Variants in ATP2C2 observed in about 807,000 individuals in gnomAD.
ATP2C2 encodes calcium-transporting ATPase type 2C member 2.
Under a neutral mutation model 110.8 loss-of-function variants are expected in ATP2C2, and 171 were observed. The ratio of observed to expected loss-of-function variants is 1.54; its 90% CI spans 1.36 to 1.75. ATP2C2 has a LOEUF of 1.75. Among genes scored for constraint, ATP2C2 ranks in the 40% most tolerant of loss-of-function variants. The probability of loss-of-function intolerance (pLI) is 0.00; values close to 1 mark genes in which losing one functional copy is unlikely to be tolerated. For missense variants in ATP2C2, 1,963 were observed against 1,235.0 expected (o/e 1.59, Z -8.84); for synonymous variants, 804 against 508.4 (o/e 1.58, Z -7.82).
At chr16:84,370,656 C>T (rs1444264448) in intron 1 of ATP2C2, among the ~76,000 whole-genome samples, 1 of 148,548 alleles carries the variant, frequency 6.7e-6, no homozygotes, top group Non-Finnish European at 1.5e-5. Flanking sequence ...GTGATCACTT[C>T]TACAATAGTT....
At chr16:84,454,001 C>A (rs550929930) in intron 20 of ATP2C2, among the ~76,000 whole-genome samples, 171 of 152,162 alleles carry the variant, frequency 1.1e-3, no homozygotes, top group African/African-American at 3.9e-3. Context: ...CCAGCACACC[C>A]GGCTAATGTT....
chr16:84,453,024 A>T (rs1347858714), intron 18 of ATP2C2, 114 bp from the exon 19 acceptor site: 3 of 1,115,064 alleles, frequency 2.7e-6, no homozygotes, highest in Non-Finnish European at 3.9e-6. Context: ...GTCCTCAGTA[A>T]ACCGTCTCCA....
intron 1 of ATP2C2, among the ~76,000 whole-genome samples, chr16:84,380,418 A>G (rs186685651): frequency 6.6e-6 from 1 of 152,056 alleles, no homozygotes; most frequent in Non-Finnish European, 1.5e-5. Flanking sequence ...TTTCTCATAA[A>G]CCATAAATAA....
intron 1 of ATP2C2, among the ~76,000 whole-genome samples, chr16:84,395,291 T>C (rs1211233782): frequency 6.6e-6 from 1 of 151,948 alleles, no homozygotes; most frequent in Non-Finnish European, 1.5e-5. Context: ...CCCTCCAGTG[T>C]CACTGCAGCA....
intron 23 of ATP2C2, chr16:84,459,985 A>C (rs1597884744): frequency 4.1e-6 from 1 of 244,908 alleles, no homozygotes; most frequent in Admixed American, 4.9e-5. Context: ...GAGTCAGGGG[A>C]CCCATCTGGC....
chr16:84,453,939 T>C (rs247883), intron 20 of ATP2C2, among the ~76,000 whole-genome samples: 151,863 of 152,228 alleles, frequency 1, 75,752 homozygotes, highest in East Asian at 1. Context: ...CTCCCAGGGT[T>C]AAGCGATTCT....
At chr16:84,458,746 G>T (rs2150593389) in intron 21 of ATP2C2, among the ~76,000 whole-genome samples, 1 of 152,278 alleles carries the variant, frequency 6.6e-6, no homozygotes, top group Admixed American at 6.5e-5. Flanking sequence ...GGCCGAACTG[G>T]TTTTGCTGCG....
chr16:84,455,128 C>G (rs79006868), intron 21 of ATP2C2, 144 bp downstream of exon 21: 130,966 of 1,058,520 alleles, frequency 0.12, 9,917 homozygotes, highest in Non-Finnish European at 0.15. Context: ...GTCAGTGTGG[C>G]AGGTGCCCCC....
intron 2 of ATP2C2, among the ~76,000 whole-genome samples, chr16:84,403,066 G>A (rs919507917): frequency 6.6e-6 from 1 of 151,924 alleles, no homozygotes; most frequent in Non-Finnish European, 1.5e-5. Context: ...CAATTTATTG[G>A]CATATAGTTG....
intron 1 of ATP2C2, among the ~76,000 whole-genome samples, chr16:84,397,173 A>G (rs920038148): frequency 6.6e-6 from 1 of 151,750 alleles, no homozygotes. Flanking sequence ...TCTCCTTTGT[A>G]TTAGCAAAGC....
At chr16:84,437,577 G>T (rs1172882506) in intron 11 of ATP2C2, among the ~76,000 whole-genome samples, 1 of 152,062 alleles carries the variant, frequency 6.6e-6, no homozygotes, top group Non-Finnish European at 1.5e-5. Flanking sequence ...GCGCAGTGGC[G>T]CAGTCTCGGT....
intron 20 of ATP2C2, 125 bp downstream of exon 20, chr16:84,453,496 C>G: frequency 1.5e-6 from 2 of 1,299,630 alleles, no homozygotes; most frequent in East Asian, 2.3e-5. Flanking sequence ...TTCTCTAGGT[C>G]CAGGGCAGCT....
intron 2 of ATP2C2, among the ~76,000 whole-genome samples, chr16:84,400,744 CTTTTGGATAA>C (rs1905268734): frequency 6.6e-6 from 1 of 152,154 alleles, no homozygotes; most frequent in Admixed American, 6.5e-5. Context: ...TATTGCCTGA[CTTTTGGATAA>C]AAGCCATTTT....
Position 84,454,878 on chromosome 16 carries a change from G to C in ATP2C2, c.2041G>C (p.Ala681Pro). ...MTGDGVNDAV[A>P]LKSADIGIAM... ...TGGGGATGGGGTGAACGACGCAGTG[G>C]CCCTGAAGTCTGCAGACATTGGGAT... Residue 681 changes from alanine (A) to proline (P), a missense_variant, in exon 21 of 27, where the codon GCC becomes CCC. Ala to Pro is a conservative substitution (Grantham distance 27). Transcript: ENST00000262429. The C allele has an allele frequency of 6.2e-7, 1 of 1,614,014 alleles. No homozygotes were observed. The highest frequency in any genetic ancestry group is 8.5e-7 in the Non-Finnish European group (1 of 1,179,952).
chr16:84,423,202 T>C lies in ATP2C2; in HGVS notation c.858T>C (p.Pro286=). The change falls in exon 10 of 27, where the codon CCT becomes CCC. Residue 286 remains proline (P), a synonymous_variant. Coordinates refer to ENST00000262429, the MANE Select transcript of ATP2C2 (RefSeq NM_014861.4). Reference sequence around the variant, plus strand: ...CACCCTTTCAGACACCTAAAACTCCTTTGCAGAAAAGCATGGACAGGCTAG... The same window carrying C: ...CACCCTTTCAGACACCTAAAACTCCCTTGCAGAAAAGCATGGACAGGCTAG... The part of the protein sequence containing the change: ...MMQAEETPKT[P]LQKSMDRLGK... 1 of 1,614,076 alleles carries C rather than the reference T, an allele frequency of 6.2e-7. No homozygotes were observed. The highest frequency in any genetic ancestry group is 8.5e-7 in the Non-Finnish European group (1 of 1,179,986).
chr16:84,434,535 T>G (rs1483117396), intron 11 of ATP2C2, among the ~76,000 whole-genome samples: 1 of 151,788 alleles, frequency 6.6e-6, no homozygotes, highest in East Asian at 1.9e-4. Flanking sequence ...TTTGTTTTTT[T>G]GAGATGGAGT....
intron 1 of ATP2C2, among the ~76,000 whole-genome samples, chr16:84,390,221 G>A (rs1904569945): frequency 6.6e-6 from 1 of 152,192 alleles, no homozygotes; most frequent in Admixed American, 6.5e-5. Flanking sequence ...CCGAATCCCG[G>A]GGCTGGACGG....
chr16:84,439,189 A>G lies in ATP2C2; in HGVS notation c.1010A>G (p.Glu337Gly). The G allele has an allele frequency of 1.9e-6, 3 of 1,612,182 alleles. No homozygotes were observed. Among genetic ancestry groups the G allele is most frequent in the Non-Finnish European group, 2.5e-6 (3 of 1,180,008 alleles). ...GVSLAVAAIP[E>G]GLPIVVMVTL... ...AGCCTGGCTGTGGCGGCCATTCCAG[A>G]GGGTCTGCCCATCGTCGTCATGGTG... The change falls in exon 12 of 27, where the codon GAG (glutamate) becomes GGG (glycine). Residue 337 changes from glutamate (E) to glycine (G), a missense_variant. By Grantham distance (98) the Glu-to-Gly change is moderately conservative (BLOSUM62 -2). Transcript: ENST00000262429.
At chr16:84,459,638 G>C in intron 23 of ATP2C2, 2 of 1,476,116 alleles carry the variant, frequency 1.4e-6, no homozygotes, top group Non-Finnish European at 1.8e-6. Context: ...GCTCTCTCTG[G>C]GCAACCTGCA....
Sources: allele counts gnomAD v4.1 joint callset (sites outside exome capture counted in the v4.1 genomes callset), GRCh38; gene constraint gnomAD v4.1.1; transcripts MANE v1.5; gene names NCBI Gene and HGNC (gene_info 2026-07-23, HGNC 2026-07-21).